Variants in HERC1 observed in about 807,000 individuals in gnomAD.
HERC1 encodes HECT and RLD domain containing E3 ubiquitin protein ligase family member 1.
A neutral mutation model predicts 554.3 loss-of-function variants in HERC1; 160 were observed. The observed-to-expected ratio is 0.29, with a 90% confidence interval of 0.25 to 0.33. The LOEUF (loss-of-function observed/expected upper bound fraction) is 0.33. Among genes scored for constraint, HERC1 ranks in the 10% least tolerant of loss-of-function variants. The pLI, the probability that HERC1 is intolerant of heterozygous loss-of-function variation, is 1.00. For synonymous variants in HERC1, 2,175 were observed against 2,131.7 expected, an observed-to-expected ratio of 1.02 and a Z score of -0.56; for missense variants, 4,919 against 5,918.5, an observed-to-expected ratio of 0.83 and a Z score of 5.54.
chr15:63,702,028 G>C (rs183234177), intron 25 of HERC1, among the ~76,000 whole-genome samples: 1 of 152,156 alleles, frequency 6.6e-6, no homozygotes, highest in East Asian at 1.9e-4. Flanking sequence ...GTCCTTACAA[G>C]TTTGGTTTTT....
chr15:63,689,526 G>C (rs2071983375), intron 33 of HERC1, 63 bp downstream of exon 33: 1 of 880,552 alleles, frequency 1.1e-6, no homozygotes, highest in African/African-American at 1.7e-5. Flanking sequence ...CAGGCATTCA[G>C]AGACAAGTGA....
intron 34 of HERC1, among the ~76,000 whole-genome samples, chr15:63,683,209 T>C (rs554225414): frequency 1.2e-4 from 18 of 151,254 alleles, no homozygotes; most frequent in African/African-American, 4.4e-4. Context: ...TCATAAATGC[T>C]AAAGTTTCAT....
chr15:63,617,906 C>A (rs2067895545), intron 74 of HERC1, among the ~76,000 whole-genome samples: 2 of 152,020 alleles, frequency 1.3e-5, no homozygotes, highest in African/African-American at 4.8e-5. Context: ...TGGATATTAG[C>A]CCTTTGTCAG....
chr15:63,755,141 G>T (rs1232845991), intron 6 of HERC1, 88 bp downstream of exon 6: 2 of 833,012 alleles, frequency 2.4e-6, no homozygotes, highest in Non-Finnish European at 4.0e-6. Flanking sequence ...ACAGTCTTTG[G>T]CCTAGTAAAT....
intron 1 of HERC1, among the ~76,000 whole-genome samples, chr15:63,799,962 T>A (rs114468224): frequency 2.0e-4 from 30 of 152,222 alleles, no homozygotes; most frequent in African/African-American, 7.2e-4. Flanking sequence ...AGACTCCATC[T>A]TTACAGAAAA....
intron 12 of HERC1, among the ~76,000 whole-genome samples, chr15:63,740,051 C>A (rs2074732167): frequency 6.6e-6 from 1 of 152,084 alleles, no homozygotes; most frequent in African/African-American, 2.4e-5. Flanking sequence ...TCTGGGACTA[C>A]AGGCATGCGC....
At chr15:63,737,573 G>A (rs1231928053) in intron 12 of HERC1, among the ~76,000 whole-genome samples, 1 of 128,526 alleles carries the variant, frequency 7.8e-6, no homozygotes, top group Non-Finnish European at 1.6e-5. Flanking sequence ...GTAGAGAAGG[G>A]GTTTTGCATA....
intron 57 of HERC1, among the ~76,000 whole-genome samples, chr15:63,644,677 G>A (rs1482681726): frequency 1.3e-5 from 2 of 152,114 alleles, no homozygotes; most frequent in Non-Finnish European, 2.9e-5. Context: ...TTCTTTGGAT[G>A]GATGTGCTCC....
At position 63,635,033 on chromosome 15, in the gene HERC1, ATTTT is replaced by A. The variant is rs528511586; in HGVS notation, c.12415-149_12415-146del. The A allele has an allele frequency of 2.1e-5, 10 of 481,622 alleles. No homozygotes were observed. The East Asian group carries it at 3.1e-4, about 15-fold the overall frequency. 29.8% of individuals were successfully genotyped at this position (481,622 alleles called of 1,614,324 possible). A position where few individuals can be genotyped will look rare whatever the true frequency, so the allele number is the denominator to read the frequency against. ...TCTTCAAAGACCAATGCTTTTAAAAATTTTTTTTTTTAATTTTTTTTTAAATTTT... is the reference window on the plus strand; with the variant it reads ...TCTTCAAAGACCAATGCTTTTAAAAATTTTTTTAATTTTTTTTTAAATTTT... On this transcript the variant is annotated intron_variant, in intron 65 of 77. Coordinates refer to ENST00000443617, the MANE Select transcript of HERC1 (RefSeq NM_003922.4).
In HERC1 at chr15:63,624,319, T is replaced by C. The variant is rs1490884579; in HGVS notation, c.13284A>G (p.Thr4428=). 2 of 1,599,580 alleles carry C rather than the reference T, an allele frequency of 1.3e-6. No individual in the cohort carries two copies. Among genetic ancestry groups the C allele is most frequent in the South Asian group, 2.2e-5 (2 of 89,426 alleles). The change falls in exon 72 of 78, where the codon ACA becomes ACG. Residue 4428 remains threonine (T), a synonymous_variant. Transcript: ENST00000443617. The part of the protein sequence containing the change: ...LNLSPNNQNS[T]SHYNAGTWGI... ...CCCAAGTTCCAGCATTATAATGGGA[T>C]GTGCTGTTCTGTAACAGAAGGTACG... is the stretch of plus-strand genomic sequence containing the variant.
In HERC1 at chr15:63,761,646, T is replaced by G. The variant is rs2075616003; in HGVS notation, c.1026+2450A>C. 2.0e-5 allele frequency among the ~76,000 whole-genome samples: 3 copies of G among 151,170 alleles called. No individual in the cohort carries two copies. The South Asian group carries it at 6.2e-4, about 31-fold the overall frequency. ...AACTATATGGCCTATATAGATGTAA[T>G]ACAATTATTAAAAAACAGGGAAAGC... On this transcript the variant is annotated intron_variant, in intron 3 of 77. Coordinates refer to ENST00000443617, the MANE Select transcript of HERC1 (RefSeq NM_003922.4).
intron 72 of HERC1, 76 bp downstream of exon 72, chr15:63,624,082 G>T: frequency 1.4e-6 from 2 of 1,404,048 alleles, no homozygotes; most frequent in South Asian, 1.3e-5. Flanking sequence ...AGGAAACCAA[G>T]ACTCACAGAA....
chr15:63,829,220 GC>G (rs1268023411), intron 1 of HERC1, among the ~76,000 whole-genome samples: 3 of 151,726 alleles, frequency 2.0e-5, no homozygotes, highest in African/African-American at 7.3e-5. Context: ...GGAGCTCAAG[GC>G]CAACCTGGGC....
rs1231034876 is a variant in HERC1, at chr15:63,686,383, T to C, written c.6201A>G (p.Val2067=). The stretch of plus-strand genomic sequence containing the variant: ...CCTTCCACTGATAGCACCCAGAAGT[T>C]ACTCCTGTAGATGCCAATCCATATC... ...GKGYGLASTG[V]TSGCYQWKFY... is the part of the protein sequence containing the mutation. The change falls in exon 34 of 78, where the codon GTA becomes GTG. Residue 2067 remains valine, a synonymous_variant. Transcript: ENST00000443617. The C allele has an allele frequency of 9.9e-6, 16 of 1,610,432 alleles. No individual in the cohort carries two copies. The highest frequency in any genetic ancestry group is 1.4e-5 in the Non-Finnish European group (16 of 1,178,942).
At chr15:63,686,260 C>T (rs1298384948) in intron 34 of HERC1, 99 bp downstream of exon 34, 11 of 833,542 alleles carry the variant, frequency 1.3e-5, no homozygotes, top group Non-Finnish European at 1.5e-5. Context: ...ATTTACATAT[C>T]ACGATTTTTT....
intron 1 of HERC1, among the ~76,000 whole-genome samples, chr15:63,813,687 T>C (rs1476395074): frequency 6.6e-6 from 1 of 152,160 alleles, no homozygotes; most frequent in Non-Finnish European, 1.5e-5. Flanking sequence ...CCCAGGACAT[T>C]ACCATTGTAT....
In HERC1 at chr15:63,701,900, C is replaced by T. The variant is rs58100964; in HGVS notation, c.4637-2904G>A. Among the ~76,000 whole-genome samples the T allele has an allele frequency of 4.7e-3, 717 of 152,016 alleles. 40 individuals are homozygous for T. The East Asian group carries it at 0.12, about 25-fold the overall frequency. ...CAGGAAATATTATATCTGAAAAGGG[C>T]ATTAAAAGCTTCTACATAACAATTG... On this transcript the variant is annotated intron_variant, in intron 25 of 77. Coordinates refer to ENST00000443617, the MANE Select transcript of HERC1 (RefSeq NM_003922.4).
rs2069875779 is a variant in HERC1, at chr15:63,654,196, T to C, written c.10213A>G (p.Thr3405Ala). 6.2e-7 allele frequency: 1 copy of C among 1,613,734 alleles called. No homozygotes were observed. The highest frequency in any genetic ancestry group is 1.3e-5 in the African/African-American group (1 of 74,870). Reference protein sequence around the residue: ...LAAHDRDNQTTLQTLADMGGD... With the variant: ...LAAHDRDNQTALQTLADMGGD... Reference sequence around the variant, plus strand: ...CCCATATCAGCAAGTGTCTGCAGAGTAGTTTGGTTGTCACGGTCGTGTGCA... The same window carrying C: ...CCCATATCAGCAAGTGTCTGCAGAGCAGTTTGGTTGTCACGGTCGTGTGCA... The change falls in exon 51 of 78, where the codon ACT becomes GCT. Residue 3405 changes from threonine to alanine, a missense_variant. By Grantham distance (58) the Thr-to-Ala change is moderately conservative. This residue lies in a region of HERC1 where 1,963 missense variants were observed against 2,228.6 expected (regional missense o/e 0.88). Transcript: ENST00000443617.
chr15:63,645,300 C>T (rs1213935594), intron 56 of HERC1, among the ~76,000 whole-genome samples, 183 bp downstream of exon 56: 3 of 152,118 alleles, frequency 2.0e-5, no homozygotes, highest in Non-Finnish European at 2.9e-5. Flanking sequence ...GATTACATAC[C>T]AAGTTTCACA....
Sources: allele counts gnomAD v4.1 joint callset (sites outside exome capture counted in the v4.1 genomes callset), GRCh38; gene constraint gnomAD v4.1.1; regional missense constraint gnomAD v4.1.1; transcripts MANE v1.5; gene names NCBI Gene and HGNC (gene_info 2026-07-23, HGNC 2026-07-21).